RNF122: variants seen among roughly 807,000 people sequenced by gnomAD.
RNF122 encodes ring finger protein 122.
RNF122 carries 17 observed loss-of-function variants against 24.2 expected under a neutral mutation model. The observed-to-expected ratio is 0.70, with a 90% confidence interval of 0.48 to 1.06. The LOEUF is 1.06. RNF122 is among the 50% of genes least tolerant of loss of function. The pLI is 0.00. For missense variants in RNF122, 168 were observed against 198.1 expected (o/e 0.85, Z 0.91); for synonymous variants, 65 against 71.8 (o/e 0.91, Z 0.48).
chr8:33,565,552 AG>A (rs1012862049), intron 1 of RNF122, among the ~76,000 whole-genome samples: 2 of 152,162 alleles, frequency 1.3e-5, no homozygotes, highest in Non-Finnish European at 2.9e-5. Context: ...AAGGTTTTGA[AG>A]TGTCCCGCTC....
chr8:33,549,272 G>A, intron 5 of RNF122, 138 bp downstream of exon 5: 2 of 724,004 alleles, frequency 2.8e-6, no homozygotes, highest in South Asian at 1.6e-5. Context: ...ATCCCTCTGG[G>A]CTTTGCTCGG....
intron 2 of RNF122, among the ~76,000 whole-genome samples, chr8:33,556,831 G>A (rs1044664935): frequency 1.3e-5 from 2 of 152,194 alleles, no homozygotes; most frequent in Admixed American, 6.5e-5. Flanking sequence ...TAGTTTCAGG[G>A]ACCTGTGTGA....
chr8:33,553,628 T>A (rs1056643364), intron 2 of RNF122, among the ~76,000 whole-genome samples: 1 of 152,154 alleles, frequency 6.6e-6, no homozygotes, highest in Admixed American at 6.6e-5. Flanking sequence ...GATAGATGGA[T>A]GACTGACCCA....
chr8:33,548,824 A>G lies in RNF122; in HGVS notation c.397T>C (p.Cys133Arg). 6.2e-7 allele frequency: 1 copy of G among 1,614,064 alleles called. No homozygotes were observed. ...WLEVRCVCPM[C>R]NKPIASPSEA... is the part of the protein sequence containing the mutation. ...GAGGGACTAGCAATGGGCTTGTTAC[A>G]CATGGGGCAGACACAGCGAACTTCC... The change falls in exon 6 of 6, where the codon TGT becomes CGT. Residue 133 changes from cysteine (C) to arginine (R), a missense_variant. Coordinates refer to ENST00000256257, the MANE Select transcript of RNF122 (RefSeq NM_024787.3).
intron 2 of RNF122, among the ~76,000 whole-genome samples, chr8:33,552,136 G>A (rs960548375): frequency 9.9e-5 from 15 of 152,196 alleles, no homozygotes; most frequent in Admixed American, 9.8e-4. Flanking sequence ...CTGGCTGGGT[G>A]CGGTGGCTCA....
At chr8:33,562,476 A>T (rs943673486) in intron 1 of RNF122, among the ~76,000 whole-genome samples, 2 of 150,204 alleles carry the variant, frequency 1.3e-5, no homozygotes, top group Non-Finnish European at 3.0e-5. Context: ...TGAGAGGTCG[A>T]GGCTGCAGTG....
intron 1 of RNF122, among the ~76,000 whole-genome samples, chr8:33,566,496 C>T (rs554025303): frequency 5.3e-5 from 8 of 152,342 alleles, no homozygotes; most frequent in Non-Finnish European, 1.0e-4. Context: ...AGGCCCCTTC[C>T]AGGCTCTGGA....
chr8:33,551,356 G>C lies in RNF122; in HGVS notation c.216C>G (p.Tyr72Ter). The change falls in exon 3 of 6, where the codon TAC (tyrosine) becomes TAG (stop). Residue 72 changes from tyrosine to a stop codon, truncating the protein, a stop_gained. Transcript: ENST00000256257. LOFTEE classifies it high-confidence loss of function. ...CGCAGCACTTTACCTCCTTATATCCGTATCGCTCACTCTGTGCCTGGTTCC... is the reference window on the plus strand; with the variant it reads ...CGCAGCACTTTACCTCCTTATATCCCTATCGCTCACTCTGTGCCTGGTTCC... ...KLRNQAQSERYGYKEVVLKGD... is the reference protein window; with the variant it reads ...KLRNQAQSER 6.2e-7 allele frequency: 1 copy of C among 1,614,020 alleles called. No homozygotes were observed. The highest frequency in any genetic ancestry group is 8.5e-7 in the Non-Finnish European group (1 of 1,179,934).
chr8:33,566,643 C>T (rs1810628988), intron 1 of RNF122, 56 bp downstream of exon 1: 12 of 1,557,754 alleles, frequency 7.7e-6, no homozygotes, highest in African/African-American at 1.4e-5. Flanking sequence ...CCTCGCACCC[C>T]GCGCCGCGGC....
rs1810639585 is a variant in RNF122 at position 33,567,089 on chromosome 8, A to T, written c.-366T>A. ...TTTGCCGGAGGCTCGGATCGGGTTC[A>T]GCGGCGCAGAGGTGAGCTGGCTGGG... On this transcript the variant is annotated 5_prime_UTR_variant, in exon 1 of 6. Coordinates refer to ENST00000256257, the MANE Select transcript of RNF122 (RefSeq NM_024787.3). 3.0e-6 allele frequency: 1 copy of T among 337,822 alleles called. No individual in the cohort carries two copies. Among genetic ancestry groups the T allele is most frequent in the East Asian group, 8.8e-5 (1 of 11,406 alleles). 20.9% of individuals were successfully genotyped at this position (337,822 alleles called of 1,614,324 possible).
rs770697160 is a variant in RNF122 at position 33,558,662 on chromosome 8, G to A, written c.135C>T (p.Gly45=). 3.1e-6 allele frequency: 5 copies of A among 1,612,142 alleles called. No homozygotes were observed. Among genetic ancestry groups the A allele is most frequent in the Non-Finnish European group, 4.2e-6 (5 of 1,178,740 alleles). The change falls in exon 2 of 6, where the codon GGC becomes GGT. Residue 45 remains glycine (G), a synonymous_variant. Transcript: ENST00000256257. ...LNIYMVIFGT[G]IFVFMLSLIF... ...TAAGGCTGAGCATGAAGACAAAGATGCCTGTGCCGAAGATGACCATATAGA... is the reference window on the plus strand; with the variant it reads ...TAAGGCTGAGCATGAAGACAAAGATACCTGTGCCGAAGATGACCATATAGA...
chr8:33,566,164 T>G (rs375706794), intron 1 of RNF122, among the ~76,000 whole-genome samples: 10 of 152,192 alleles, frequency 6.6e-5, no homozygotes, highest in African/African-American at 2.2e-4. Flanking sequence ...AAAGCGACTC[T>G]TTAATCCAGT....
Position 33,548,884 on chromosome 8 carries a change from A to G in RNF122, c.354-17T>C, listed in dbSNP as rs1810329323. The G allele has an allele frequency of 2.6e-6, 4 of 1,555,268 alleles. No homozygotes were observed. The highest frequency in any genetic ancestry group is 3.6e-6 in the Non-Finnish European group (4 of 1,126,468). On this transcript the variant is annotated splice_polypyrimidine_tract_variant and intron_variant, in intron 5 of 5. Coordinates refer to ENST00000256257, the MANE Select transcript of RNF122 (RefSeq NM_024787.3). ...ACCAGACACCTGAGAACAAATGAGGAATGGTAATCTCTAACCAGACAGACC... is the reference window on the plus strand; with the variant it reads ...ACCAGACACCTGAGAACAAATGAGGGATGGTAATCTCTAACCAGACAGACC...
intron 1 of RNF122, 90 bp downstream of exon 1, chr8:33,566,609 G>GA: frequency 7.4e-7 from 1 of 1,355,516 alleles, no homozygotes; most frequent in Admixed American, 2.0e-5. Flanking sequence ...GTTCCCGAGG[G>GA]AGGACCAGCG....
rs748826742 is a variant in RNF122 at position 33,548,812 on chromosome 8, T to G, written c.409A>C (p.Ile137Leu). The G allele has an allele frequency of 6.2e-7, 1 of 1,613,988 alleles. No homozygotes were observed. Among genetic ancestry groups the G allele is most frequent in the African/African-American group, 1.3e-5 (1 of 74,990 alleles). The change falls in exon 6 of 6, where the codon ATT (isoleucine) becomes CTT (leucine). Residue 137 changes from isoleucine (I) to leucine (L), a missense_variant. Physicochemically the swap from Ile to Leu is conservative, Grantham distance 5. Transcript: ENST00000256257. ...RCVCPMCNKPIASPSEATQNI... is the reference protein window; with the variant it reads ...RCVCPMCNKPLASPSEATQNI... ...TGCGTGGCCTCTGAGGGACTAGCAA[T>G]GGGCTTGTTACACATGGGGCAGACA... is the stretch of plus-strand genomic sequence containing the variant.
At chr8:33,561,825 G>A (rs1563370633) in intron 1 of RNF122, among the ~76,000 whole-genome samples, 1 of 152,072 alleles carries the variant, frequency 6.6e-6, no homozygotes, top group Non-Finnish European at 1.5e-5. Context: ...GGATTACAGC[G>A]CATAAGCCAC....
chr8:33,559,089 G>A (rs1810500208), intron 1 of RNF122, among the ~76,000 whole-genome samples: 1 of 152,000 alleles, frequency 6.6e-6, no homozygotes, highest in Non-Finnish European at 1.5e-5. Context: ...TGATCTCGAG[G>A]CCAAGAGTTC....
chr8:33,565,578 T>C (rs1810609981), intron 1 of RNF122, among the ~76,000 whole-genome samples: 1 of 152,280 alleles, frequency 6.6e-6, no homozygotes. Flanking sequence ...ACACCTACCT[T>C]TCAGGTAGCT....
At chr8:33,557,146 G>A (rs1810465016) in intron 2 of RNF122, among the ~76,000 whole-genome samples, 1 of 152,224 alleles carries the variant, frequency 6.6e-6, no homozygotes, top group African/African-American at 2.4e-5. Flanking sequence ...GGGGGAGACA[G>A]CTAATGGCCA....
Sources: allele counts gnomAD v4.1 joint callset (sites outside exome capture counted in the v4.1 genomes callset), GRCh38; gene constraint gnomAD v4.1.1; transcripts MANE v1.5; gene names NCBI Gene and HGNC (gene_info 2026-07-23, HGNC 2026-07-21).